Variants in LYN observed in about 807,000 individuals in gnomAD.
LYN encodes the protein LYN proto-oncogene, Src family tyrosine kinase, also known as tyrosine-protein kinase Lyn.
A neutral mutation model predicts 65.0 loss-of-function variants in LYN; 12 were observed. That is an observed-to-expected ratio of 0.18 (90% CI 0.12 to 0.30). LYN has a LOEUF of 0.30. LYN is among the 10% of genes least tolerant of loss of function. The pLI is 1.00. For synonymous variants in LYN, 222 were observed against 221.2 expected, an observed-to-expected ratio of 1.00 and a Z score of -0.03; for missense variants, 380 against 623.2, an observed-to-expected ratio of 0.61 and a Z score of 4.16.
intron 9 of LYN, 41 bp from the exon 10 acceptor site, chr8:55,969,676 T>C (rs1375961619): frequency 7.0e-7 from 1 of 1,433,082 alleles, no homozygotes; most frequent in East Asian, 2.3e-5. Flanking sequence ...TTTTTTCTTG[T>C]GTGTTTGGAA....
chr8:55,992,331 A>G (rs545266123), intron 10 of LYN, among the ~76,000 whole-genome samples: 1 of 152,314 alleles, frequency 6.6e-6, no homozygotes, highest in African/African-American at 2.4e-5. Flanking sequence ...CTGACCCTGT[A>G]TCCCCTGCCT....
At chr8:55,974,990 A>G (rs922451883) in intron 10 of LYN, among the ~76,000 whole-genome samples, 2 of 152,156 alleles carry the variant, frequency 1.3e-5, no homozygotes, top group African/African-American at 2.4e-5. Flanking sequence ...ATTCTCATAC[A>G]TGACTCTTAC....
intron 6 of LYN, among the ~76,000 whole-genome samples, chr8:55,951,329 A>G (rs1806940341): frequency 6.6e-6 from 1 of 152,130 alleles, no homozygotes; most frequent in African/African-American, 2.4e-5. Context: ...TTGTTTGCTG[A>G]GCCTTTTGCA....
In LYN at chr8:56,010,250, C is replaced by A; in HGVS notation, c.*140C>A. 1 of 772,462 alleles carries A rather than the reference C, an allele frequency of 1.3e-6. No homozygotes were observed. The allele number at this position is 772,462 out of a possible 1,614,324, so 47.9% of individuals were successfully genotyped here. ...ATCCTGAAATAGAGGCTAAATTACT[C>A]AGGAAGAACACCCTCTAAATGGGAA... On this transcript the variant is annotated 3_prime_UTR_variant, in exon 13 of 13. Transcript: ENST00000519728.
chr8:56,006,365 CTG>C (rs1284019686), intron 12 of LYN, among the ~76,000 whole-genome samples: 2 of 152,138 alleles, frequency 1.3e-5, no homozygotes, highest in Non-Finnish European at 2.9e-5. Context: ...GGGTGGGAGA[CTG>C]TACTCCCAGG....
intron 1 of LYN, among the ~76,000 whole-genome samples, chr8:55,936,508 TG>T (rs1278241131): frequency 1.3e-5 from 2 of 152,142 alleles, no homozygotes; most frequent in African/African-American, 4.8e-5. Flanking sequence ...GGTGTGGTGG[TG>T]GGCACCTGTA....
At position 56,011,510 on chromosome 8, in the gene LYN, T is replaced by G; in HGVS notation, c.*1400T>G. The G allele has an allele frequency of 5.1e-6, 1 of 195,530 alleles. No homozygotes were observed. The highest frequency in any genetic ancestry group is 2.3e-5 in the African/African-American group (1 of 43,340). The allele number at this position is 195,530 out of a possible 1,614,324, so 12.1% of individuals were successfully genotyped here. On this transcript the variant is annotated 3_prime_UTR_variant, in exon 13 of 13. Coordinates refer to ENST00000519728, the MANE Select transcript of LYN (RefSeq NM_002350.4). ...GCTTTAAACTTGCCCAAGTTCTACC[T>G]CCTTCCTTTGAACATTTCAGATTGG...
At chr8:55,899,201 T>C (rs1416383964) in intron 1 of LYN, among the ~76,000 whole-genome samples, 1 of 152,212 alleles carries the variant, frequency 6.6e-6, no homozygotes, top group Non-Finnish European at 1.5e-5. Context: ...CTTTATTAAA[T>C]ATTTGTCCTC....
At chr8:55,961,159 C>T (rs139882963) in intron 8 of LYN, among the ~76,000 whole-genome samples, 28 of 152,286 alleles carry the variant, frequency 1.8e-4, no homozygotes, top group African/African-American at 6.5e-4. Context: ...TTTTTAAAAA[C>T]CACTCTCCCT....
At chr8:56,007,027 TCGAG>T (rs1163197037) in intron 12 of LYN, among the ~76,000 whole-genome samples, 2 of 152,066 alleles carry the variant, frequency 1.3e-5, no homozygotes, top group African/African-American at 4.8e-5. Flanking sequence ...ACCAGCATCA[TCGAG>T]AGTCCTTCAG....
chr8:55,904,947 C>G (rs963974026), intron 1 of LYN, among the ~76,000 whole-genome samples: 11 of 151,928 alleles, frequency 7.2e-5, no homozygotes, highest in Non-Finnish European at 1.5e-4. Flanking sequence ...CAATGGGGAG[C>G]ATTTAAACCT....
At chr8:55,900,539 ATTTTTTTT>A (rs5891598) in intron 1 of LYN, among the ~76,000 whole-genome samples, 2 of 126,448 alleles carry the variant, frequency 1.6e-5, no homozygotes, top group Non-Finnish European at 3.3e-5. Context: ...TGCCCAGCTA[ATTTTTTTT>A]TTTTTTTTTT....
At chr8:55,979,369 T>C (rs1585661222) in intron 10 of LYN, among the ~76,000 whole-genome samples, 1 of 152,190 alleles carries the variant, frequency 6.6e-6, no homozygotes, top group Non-Finnish European at 1.5e-5. Flanking sequence ...AGTGGTTTTC[T>C]TCTGTGATGG....
At position 55,947,554 on chromosome 8, in the gene LYN, T is replaced by A. The variant is rs55893564; in HGVS notation, c.179-64T>A. 4.4e-5 allele frequency: 50 copies of A among 1,129,526 alleles called. No individual in the cohort carries two copies. In the East Asian group the frequency reaches 1.2e-3, roughly 26 times the overall value. The allele number at this position is 1,129,526 out of a possible 1,614,324, so 70.0% of individuals were successfully genotyped here. ...GCTTCCTCTCATCCTTTGTGCCCCA[T>A]GAGGTTTGTTAAAACGCTTCTGCTG... is the stretch of plus-strand genomic sequence containing the variant. On this transcript the variant is annotated intron_variant, in intron 3 of 12. Coordinates refer to ENST00000519728, the MANE Select transcript of LYN (RefSeq NM_002350.4).
At chr8:55,958,809 C>T (rs978294772) in intron 8 of LYN, among the ~76,000 whole-genome samples, 101 of 152,198 alleles carry the variant, frequency 6.6e-4, no homozygotes, top group African/African-American at 2.4e-3. Context: ...CTTTTTAAGG[C>T]TTAATGATAT....
intron 8 of LYN, among the ~76,000 whole-genome samples, chr8:55,961,222 G>T (rs1402710774): frequency 2.6e-5 from 4 of 152,166 alleles, no homozygotes; most frequent in Non-Finnish European, 5.9e-5. Flanking sequence ...GAATTAGAGT[G>T]CTCTCAAGGT....
chr8:55,981,033 A>T (rs1807903103), intron 10 of LYN, among the ~76,000 whole-genome samples: 1 of 152,162 alleles, frequency 6.6e-6, no homozygotes, highest in African/African-American at 2.4e-5. Context: ...AGCTCCGTTC[A>T]GTGGGTCCCC....
At chr8:55,888,634 A>G (rs1275783035) in intron 1 of LYN, among the ~76,000 whole-genome samples, 1 of 152,222 alleles carries the variant, frequency 6.6e-6, no homozygotes, top group Non-Finnish European at 1.5e-5. Flanking sequence ...TGTGACAGCA[A>G]TAGGCTTCAG....
At chr8:55,990,239 C>CAAAAAA (rs34461698) in intron 10 of LYN, among the ~76,000 whole-genome samples, 4 of 45,408 alleles carry the variant, frequency 8.8e-5, no homozygotes, top group African/African-American at 1.8e-4. Context: ...ACTCTGCCTC[C>CAAAAAA]AAAAAAAAAA....
Sources: gnomAD v4.1 joint callset for allele counts (sites outside exome capture counted in the v4.1 genomes callset) on GRCh38, gnomAD v4.1.1 for gene constraint, MANE v1.5 for transcripts, NCBI Gene and HGNC (gene_info 2026-07-23, HGNC 2026-07-21) for gene names.